The following CEP112 variants were observed in gnomAD, a reference collection of about 807,000 sequenced individuals.
The protein encoded by CEP112 is centrosomal protein 112.
A neutral mutation model predicts 153.0 loss-of-function variants in CEP112; 127 were observed. That is an observed-to-expected ratio of 0.83 (90% CI 0.72 to 0.96). The LOEUF is 0.96. CEP112 is among the 40% of genes least tolerant of loss of function. The probability of loss-of-function intolerance (pLI) is 0.00; values close to 1 mark genes in which losing one functional copy is unlikely to be tolerated. For missense variants in CEP112, 1,089 were observed against 1,101.2 expected (o/e 0.99, Z 0.16); for synonymous variants, 358 against 374.4 (o/e 0.96, Z 0.51).
At chr17:65,756,387 T>C (rs1456331198) in intron 21 of CEP112, among the ~76,000 whole-genome samples, 1 of 119,088 alleles carries the variant, frequency 8.4e-6, no homozygotes, top group East Asian at 2.3e-4. Context: ...GCCTGTGTGA[T>C]GCAGCAAGAC....
intron 6 of CEP112, among the ~76,000 whole-genome samples, chr17:66,099,718 G>A (rs1011132739): frequency 5.3e-5 from 8 of 151,966 alleles, no homozygotes; most frequent in Non-Finnish European, 1.2e-4. Context: ...CAGAAAAAAA[G>A]AATCCAATAT....
At chr17:66,158,502 C>CAGGAGGCTCAG (rs2071544891) in intron 4 of CEP112, among the ~76,000 whole-genome samples, 1 of 152,054 alleles carries the variant, frequency 6.6e-6, no homozygotes, top group Non-Finnish European at 1.5e-5. Context: ...GTCCCAGCTA[C>CAGGAGGCTCAG]ACAGGAGGCT....
intron 18 of CEP112, among the ~76,000 whole-genome samples, chr17:65,952,018 T>A (rs1284913014): frequency 6.6e-6 from 1 of 152,190 alleles, no homozygotes; most frequent in Non-Finnish European, 1.5e-5. Flanking sequence ...ACTTTCCAAA[T>A]ATGTGAGGAT....
chr17:66,148,630 T>C lies in CEP112; in HGVS notation c.471-15867A>G, dbSNP rs76307689. On this transcript the variant is annotated intron_variant, in intron 4 of 26. Coordinates refer to ENST00000535342, the MANE Select transcript of CEP112 (RefSeq NM_001199165.4). ...CTTTTTGATGCTATTGTAAATGAGA[T>C]TATTCTCTTAATTTGCTTTTCAGAT... Among the ~76,000 whole-genome samples the C allele has an allele frequency of 2.4e-4, 36 of 152,298 alleles. 1 individual carries two copies. The East Asian group carries it at 5.6e-3, about 24-fold the overall frequency.
At chr17:66,178,441 CTCCTTATATATTCTGGTTATTCCCTTG>C (rs1000652275) in intron 2 of CEP112, among the ~76,000 whole-genome samples, 3 of 141,972 alleles carry the variant, frequency 2.1e-5, no homozygotes, top group African/African-American at 7.4e-5. Flanking sequence ...GTTGTTTGAG[CTCCTTATATATTCTGGTTATTCCCTTG>C]TCAGATGAAT....
At chr17:65,844,649 C>T (rs1261224048) in intron 21 of CEP112, among the ~76,000 whole-genome samples, 1 of 151,622 alleles carries the variant, frequency 6.6e-6, no homozygotes, top group African/African-American at 2.4e-5. Flanking sequence ...CAGGCTCCAT[C>T]CTGGGCTACA....
rs536748855 is a variant in CEP112 at position 65,675,853 on chromosome 17, CAT to C, written c.2697+13274_2697+13275del. Among the ~76,000 whole-genome samples, 11 of 151,850 alleles carry C rather than the reference CAT, an allele frequency of 7.2e-5. No homozygotes were observed. The East Asian group carries it at 1.7e-3, about 24-fold the overall frequency. ...CATTCACTGAATAAGAAACAAAATT[CAT>C]ATGATTACTTCAAAAGATGGAGAAA... On this transcript the variant is annotated intron_variant, in intron 24 of 26. Coordinates refer to ENST00000535342, the MANE Select transcript of CEP112 (RefSeq NM_001199165.4).
chr17:66,122,210 A>G (rs1370004349), intron 6 of CEP112, among the ~76,000 whole-genome samples: 1 of 152,092 alleles, frequency 6.6e-6, no homozygotes, highest in African/African-American at 2.4e-5. Context: ...AGCTTTCTTT[A>G]CTTCTTTAAA....
chr17:65,697,648 C>T (rs867525004), intron 23 of CEP112, among the ~76,000 whole-genome samples: 12 of 152,148 alleles, frequency 7.9e-5, no homozygotes, highest in Admixed American at 2.0e-4. Flanking sequence ...ACAGTGGCAG[C>T]GTGACATTTT....
intron 4 of CEP112, among the ~76,000 whole-genome samples, chr17:66,169,223 T>TA (rs1409125452): frequency 2.0e-5 from 3 of 149,590 alleles, no homozygotes; most frequent in Admixed American, 6.7e-5. Context: ...CATAGCTGAG[T>TA]AAAAAAAAGA....
intron 4 of CEP112, among the ~76,000 whole-genome samples, chr17:66,141,520 T>A (rs1246136867): frequency 1.3e-5 from 2 of 152,184 alleles, no homozygotes; most frequent in African/African-American, 2.4e-5. Context: ...AACGTTTTCA[T>A]CTTCTGTAGC....
chr17:65,725,783 A>G (rs1841977554), intron 23 of CEP112, among the ~76,000 whole-genome samples: 1 of 152,146 alleles, frequency 6.6e-6, no homozygotes, highest in African/African-American at 2.4e-5. Context: ...AGATCTTGTG[A>G]GACTTATTCA....
intron 18 of CEP112, among the ~76,000 whole-genome samples, chr17:65,950,412 A>G (rs967866390): frequency 2.0e-5 from 3 of 152,020 alleles, no homozygotes; most frequent in Non-Finnish European, 2.9e-5. Flanking sequence ...TTCTCTTAGG[A>G]ATATTTTGTT....
chr17:65,754,161 A>G (rs1331457855), intron 21 of CEP112, among the ~76,000 whole-genome samples: 1 of 152,238 alleles, frequency 6.6e-6, no homozygotes, highest in Non-Finnish European at 1.5e-5. Flanking sequence ...TTATAATTTT[A>G]AAAATACTGA....
At chr17:66,058,960 C>T (rs1454003619) in intron 11 of CEP112, among the ~76,000 whole-genome samples, 1 of 152,088 alleles carries the variant, frequency 6.6e-6, no homozygotes, top group African/African-American at 2.4e-5. Context: ...AGCATAAAAA[C>T]AGACACATAG....
At chr17:65,912,597 G>A (rs1489280038) in intron 19 of CEP112, among the ~76,000 whole-genome samples, 1 of 152,150 alleles carries the variant, frequency 6.6e-6, no homozygotes, top group Non-Finnish European at 1.5e-5. Context: ...GTAAGCCAAG[G>A]CAGTTCTGCC....
chr17:65,861,396 T>C (rs984099307), intron 20 of CEP112, among the ~76,000 whole-genome samples: 1 of 152,186 alleles, frequency 6.6e-6, no homozygotes, highest in African/African-American at 2.4e-5. Flanking sequence ...CTTGAAAAGA[T>C]TGATGAATTA....
intron 18 of CEP112, among the ~76,000 whole-genome samples, chr17:65,938,906 G>T (rs1265401078): frequency 2.6e-5 from 4 of 152,080 alleles, no homozygotes; most frequent in African/African-American, 9.7e-5. Flanking sequence ...CCGCCTCCCA[G>T]GTTCAAGCAA....
At chr17:65,862,339 A>G (rs1450494253) in intron 20 of CEP112, among the ~76,000 whole-genome samples, 1 of 152,202 alleles carries the variant, frequency 6.6e-6, no homozygotes, top group Non-Finnish European at 1.5e-5. Flanking sequence ...CTGTAATCCT[A>G]GCACTTTGGG....
Sources: gnomAD v4.1 joint callset for allele counts (sites outside exome capture counted in the v4.1 genomes callset) on GRCh38, gnomAD v4.1.1 for gene constraint, MANE v1.5 for transcripts, NCBI Gene and HGNC (gene_info 2026-07-23, HGNC 2026-07-21) for gene names.